Variants in CFAP54 observed in about 807,000 individuals in gnomAD.
CFAP54 encodes the protein cilia- and flagella-associated protein 54.
CFAP54 carries 290 observed loss-of-function variants against 370.4 expected under a neutral mutation model. That is an observed-to-expected ratio of 0.78 (90% CI 0.71 to 0.86). The LOEUF is 0.86. Ranked by LOEUF, CFAP54 falls within the 40% of genes least tolerant of loss-of-function variation. The pLI, the probability that CFAP54 is intolerant of heterozygous loss-of-function variation, is 0.00. For synonymous variants in CFAP54, 1,206 were observed against 1,236.5 expected (o/e 0.98, Z 0.52); for missense variants, 3,399 against 3,528.7 (o/e 0.96, Z 0.93).
At chr12:96,581,135 C>T in intron 22 of CFAP54, 30 bp downstream of exon 22, 1 of 1,375,756 alleles carries the variant, frequency 7.3e-7, no homozygotes. Context: ...ATTTTTTCCA[C>T]TGTGTTTTTT....
At chr12:96,501,646 G>A (rs1955028176) in intron 2 of CFAP54, among the ~76,000 whole-genome samples, 1 of 152,186 alleles carries the variant, frequency 6.6e-6, no homozygotes, top group African/African-American at 2.4e-5. Flanking sequence ...GTGAACGTCA[G>A]ACAATGGGAT....
intron 11 of CFAP54, 122 bp downstream of exon 11, chr12:96,534,349 A>G: frequency 1.6e-6 from 1 of 612,948 alleles, no homozygotes; most frequent in Non-Finnish European, 2.7e-6. Context: ...CTGAGACAAG[A>G]GTGTGTTTGG....
rs1231101119 is a variant in CFAP54, at chr12:96,533,829, A to G, written c.1395A>G (p.Pro465=). The change falls in exon 10 of 68, where the codon CCA becomes CCG. Residue 465 remains proline, a synonymous_variant. Coordinates refer to ENST00000524981, the MANE Select transcript of CFAP54 (RefSeq NM_001306084.2). ...NIGADGMLDF[P]KTSLLELMIG... Reference sequence around the variant, plus strand: ...GTGCAGATGGAATGCTTGATTTTCCAAAAACATCTCTTCTGGAACTTATGA... The same window carrying G: ...GTGCAGATGGAATGCTTGATTTTCCGAAAACATCTCTTCTGGAACTTATGA... 1 of 1,528,608 alleles carries G rather than the reference A, an allele frequency of 6.5e-7. No individual in the cohort carries two copies. Among genetic ancestry groups the G allele is most frequent in the Non-Finnish European group, 8.7e-7 (1 of 1,144,854 alleles). 94.7% of individuals were successfully genotyped at this position (1,528,608 alleles called of 1,614,324 possible).
At chr12:96,841,461 A>C (rs145211630) in intron 66 of CFAP54, among the ~76,000 whole-genome samples, 66 of 152,302 alleles carry the variant, frequency 4.3e-4, no homozygotes, top group African/African-American at 1.2e-3. Flanking sequence ...AGGATGTTTA[A>C]TTTTTGCCTC....
chr12:96,706,401 T>G (rs1013093239), intron 47 of CFAP54, among the ~76,000 whole-genome samples: 1 of 152,028 alleles, frequency 6.6e-6, no homozygotes, highest in Non-Finnish European at 1.5e-5. Flanking sequence ...GCAAGTCATA[T>G]GAAATCTGGA....
At chr12:96,630,451 G>A (rs1956594870) in intron 31 of CFAP54, 100 bp from the exon 32 acceptor site, 2 of 677,564 alleles carry the variant, frequency 3.0e-6, no homozygotes, top group Admixed American at 3.5e-5. Context: ...ATAAACTACT[G>A]TATTTCAATG....
At position 96,792,467 on chromosome 12, in the gene CFAP54, C is replaced by A. The variant is rs1321439398; in HGVS notation, c.8818C>A (p.Leu2940Met). Reference sequence around the variant, plus strand: ...TTGCTTTCAATGGTACATTCCTCCCCTGGATAGACCTCCCAAGGAGACAGA... The same window carrying A: ...TTGCTTTCAATGGTACATTCCTCCCATGGATAGACCTCCCAAGGAGACAGA... Reference protein sequence around the residue: ...ELCFQWYIPPLDRPPKETEPM... With the variant: ...ELCFQWYIPPMDRPPKETEPM... The change falls in exon 63 of 68, where the codon CTG (leucine) becomes ATG (methionine). Residue 2940 changes from leucine (L) to methionine (M), a missense_variant. By Grantham distance (15) the Leu-to-Met change is conservative. Around this residue, in one of 3 missense-constraint regions of CFAP54, gnomAD observed 2,796 missense variants for 2,869.7 expected, o/e 0.97. Transcript: ENST00000524981. 5.9e-6 allele frequency: 9 copies of A among 1,535,700 alleles called. No homozygotes were observed. The South Asian group carries it at 1.1e-4, about 18-fold the overall frequency.
intron 32 of CFAP54, among the ~76,000 whole-genome samples, chr12:96,638,918 T>C (rs1956693169): frequency 1.3e-5 from 2 of 152,230 alleles, no homozygotes; most frequent in Non-Finnish European, 2.9e-5. Context: ...ATGGTATTTG[T>C]GTCTCTATTT....
intron 50 of CFAP54, among the ~76,000 whole-genome samples, chr12:96,734,374 G>A (rs1419828482): frequency 6.6e-6 from 1 of 152,134 alleles, no homozygotes; most frequent in East Asian, 1.9e-4. Context: ...AGTTCCACGA[G>A]GGCAGGGATT....
At chr12:96,634,607 C>G (rs1215594544) in intron 32 of CFAP54, among the ~76,000 whole-genome samples, 1 of 152,094 alleles carries the variant, frequency 6.6e-6, no homozygotes, top group Non-Finnish European at 1.5e-5. Flanking sequence ...TGATGAGGTC[C>G]AGCTTATCAA....
At chr12:96,588,808 T>C (rs1956097703) in intron 22 of CFAP54, among the ~76,000 whole-genome samples, 1 of 152,164 alleles carries the variant, frequency 6.6e-6, no homozygotes, top group African/African-American at 2.4e-5. Context: ...AAAAAATAGG[T>C]AAGTCAGTTT....
At chr12:96,641,174 T>C (rs1383530147) in intron 32 of CFAP54, among the ~76,000 whole-genome samples, 17 of 151,998 alleles carry the variant, frequency 1.1e-4, no homozygotes, top group East Asian at 3.9e-4. Flanking sequence ...TTGCAATCTA[T>C]CCATCTGACA....
intron 62 of CFAP54, among the ~76,000 whole-genome samples, chr12:96,788,929 T>C (rs1958655075): frequency 6.6e-6 from 1 of 152,160 alleles, no homozygotes; most frequent in South Asian, 2.1e-4. Context: ...AGCAACCCCA[T>C]TCTGTGCCCA....
At chr12:96,681,701 C>T (rs1957274240) in intron 40 of CFAP54, among the ~76,000 whole-genome samples, 1 of 152,022 alleles carries the variant, frequency 6.6e-6, no homozygotes, top group South Asian at 2.1e-4. Flanking sequence ...CCTCCTGGTT[C>T]AAGCGATTCT....
intron 38 of CFAP54, among the ~76,000 whole-genome samples, chr12:96,662,154 C>T (rs1957002031): frequency 6.6e-6 from 1 of 152,186 alleles, no homozygotes; most frequent in Non-Finnish European, 1.5e-5. Flanking sequence ...TGGGTTAATG[C>T]AGTGACTTCC....
In CFAP54 at chr12:96,608,303, A is replaced by G. The variant is rs926800623; in HGVS notation, c.3639+9536A>G. On this transcript the variant is annotated intron_variant, in intron 26 of 67. Transcript: ENST00000524981. ...GGTTGTGCATTTTATATATGCATAT[A>G]TATATACACACACACACACACACAC... is the stretch of plus-strand genomic sequence containing the variant. Among the ~76,000 whole-genome samples, 105 of 36,504 alleles carry G rather than the reference A, an allele frequency of 2.9e-3. No individual in the cohort carries two copies. The East Asian group carries it at 0.032, about 11-fold the overall frequency. 23.9% of individuals were successfully genotyped at this position (36,504 alleles called of 152,430 possible). A position where few individuals can be genotyped will look rare whatever the true frequency, so the allele number is the denominator to read the frequency against.
rs1312595015 is a variant in CFAP54, at chr12:96,538,755, G to T, written c.1926+237G>T. ...TGTGAGGAGCGAAGAGGTGTTTCAGGCCTTTTTTTTTTTGGCAGAGTCTTG... is the reference window on the plus strand; with the variant it reads ...TGTGAGGAGCGAAGAGGTGTTTCAGTCCTTTTTTTTTTTGGCAGAGTCTTG... On this transcript the variant is annotated intron_variant, in intron 13 of 67. Coordinates refer to ENST00000524981, the MANE Select transcript of CFAP54 (RefSeq NM_001306084.2). The T allele has an allele frequency of 7.2e-5, 32 of 445,926 alleles. No homozygotes were observed. The East Asian group carries it at 1.2e-3, about 17-fold the overall frequency. 27.6% of individuals were successfully genotyped at this position (445,926 alleles called of 1,614,324 possible).
chr12:96,578,249 A>G (rs1301794987), intron 20 of CFAP54, among the ~76,000 whole-genome samples: 1 of 152,326 alleles, frequency 6.6e-6, no homozygotes, highest in East Asian at 1.9e-4. Context: ...GGAATGGCAA[A>G]TGGACATCAG....
chr12:96,790,583 T>C (rs935617605), intron 62 of CFAP54, among the ~76,000 whole-genome samples: 1 of 152,220 alleles, frequency 6.6e-6, no homozygotes, highest in Non-Finnish European at 1.5e-5. Flanking sequence ...TATGAATTGT[T>C]TGCTAAAATA....
Sources: allele counts gnomAD v4.1 joint callset (sites outside exome capture counted in the v4.1 genomes callset), GRCh38; gene constraint gnomAD v4.1.1; regional missense constraint gnomAD v4.1.1; transcripts MANE v1.5; gene names NCBI Gene and HGNC (gene_info 2026-07-23, HGNC 2026-07-21).